NECAB1: variants seen among roughly 807,000 people sequenced by gnomAD.
NECAB1 encodes the protein N-terminal EF-hand calcium binding protein 1.
Under a neutral mutation model 57.5 loss-of-function variants are expected in NECAB1, and 29 were observed. The ratio of observed to expected loss-of-function variants is 0.50; its 90% CI spans 0.38 to 0.69. The LOEUF (loss-of-function observed/expected upper bound fraction) is 0.69, where lower values mean the gene tolerates loss of function less well. NECAB1 is among the 30% of genes least tolerant of loss of function. The probability of loss-of-function intolerance (pLI) is 0.00; values close to 1 mark genes in which losing one functional copy is unlikely to be tolerated. For synonymous variants in NECAB1, 142 were observed against 147.7 expected (o/e 0.96, Z 0.28); for missense variants, 372 against 413.8 (o/e 0.90, Z 0.88).
chr8:90,948,431 A>C (rs930716607), intron 10 of NECAB1, among the ~76,000 whole-genome samples: 3 of 152,198 alleles, frequency 2.0e-5, no homozygotes, highest in African/African-American at 7.2e-5. Flanking sequence ...AAAGAAAAAA[A>C]AAATTAAAAT....
At chr8:90,863,647 TAAG>T (rs1808452917) in intron 3 of NECAB1, among the ~76,000 whole-genome samples, 1 of 152,136 alleles carries the variant, frequency 6.6e-6, no homozygotes, top group African/African-American at 2.4e-5. Flanking sequence ...CACTAAGTAA[TAAG>T]GAGATGAGAG....
intron 5 of NECAB1, among the ~76,000 whole-genome samples, chr8:90,911,988 A>G (rs1041572171): frequency 1.3e-5 from 2 of 152,212 alleles, no homozygotes; most frequent in African/African-American, 4.8e-5. Context: ...AAGGTTGAAT[A>G]CTTTCCAAAG....
chr8:90,887,449 C>T (rs1586087628), intron 5 of NECAB1, among the ~76,000 whole-genome samples: 1 of 152,110 alleles, frequency 6.6e-6, no homozygotes, highest in Non-Finnish European at 1.5e-5. Context: ...TAAATACAAA[C>T]ATGTAAAACA....
intron 2 of NECAB1, among the ~76,000 whole-genome samples, chr8:90,808,792 C>G (rs544970358): frequency 6.6e-6 from 1 of 151,822 alleles, no homozygotes. Flanking sequence ...ACTACAGGTG[C>G]GTGCCACCAT....
chr8:90,859,728 G>C (rs906448613), intron 3 of NECAB1, among the ~76,000 whole-genome samples: 1 of 152,160 alleles, frequency 6.6e-6, no homozygotes, highest in South Asian at 2.1e-4. Flanking sequence ...GTAAACATTA[G>C]TTGTGTGGGA....
At chr8:90,854,271 T>C (rs911252645) in intron 3 of NECAB1, among the ~76,000 whole-genome samples, 1 of 152,104 alleles carries the variant, frequency 6.6e-6, no homozygotes. Context: ...TTTTGACTGC[T>C]TAATGCTGAG....
chr8:90,839,619 G>A lies in NECAB1; in HGVS notation c.233+14794G>A, dbSNP rs377289949. ...TTTTACTAAGAAGAGGTATGAATAA[G>A]GATGGAGATAGAGATGATGTTTTCA... On this transcript the variant is annotated intron_variant, in intron 3 of 12. Transcript: ENST00000417640. Among the ~76,000 whole-genome samples, 32 of 152,318 alleles carry A rather than the reference G, an allele frequency of 2.1e-4. No individual in the cohort carries two copies. In the South Asian group the frequency reaches 2.9e-3, roughly 14 times the overall value.
chr8:90,794,451 C>T (rs1211682741), intron 1 of NECAB1, among the ~76,000 whole-genome samples: 2 of 152,120 alleles, frequency 1.3e-5, no homozygotes, highest in Non-Finnish European at 2.9e-5. Flanking sequence ...ATCAAACAGA[C>T]AATTTCCAAA....
chr8:90,846,085 A>G (rs904018083), intron 3 of NECAB1, among the ~76,000 whole-genome samples: 2 of 152,238 alleles, frequency 1.3e-5, no homozygotes, highest in African/African-American at 2.4e-5. Context: ...ACCACAAATG[A>G]TACCTAATTA....
chr8:90,858,894 A>G (rs559427146), intron 3 of NECAB1, among the ~76,000 whole-genome samples: 1 of 152,322 alleles, frequency 6.6e-6, no homozygotes, highest in East Asian at 1.9e-4. Flanking sequence ...TAACTGCAGC[A>G]GTGACTAACA....
chr8:90,955,112 TTATATATATATA>T (rs59244524), intron 12 of NECAB1, among the ~76,000 whole-genome samples: 12,767 of 70,816 alleles, frequency 0.18, 1,197 homozygotes, highest in African/African-American at 0.26. Context: ...GGTATATAAA[TTATATATATATA>T]TATATATATA....
intron 2 of NECAB1, among the ~76,000 whole-genome samples, chr8:90,805,296 C>T (rs1344211575): frequency 6.6e-6 from 1 of 152,038 alleles, no homozygotes; most frequent in Non-Finnish European, 1.5e-5. Flanking sequence ...TGATAGAGTC[C>T]CTTGTGGACA....
chr8:90,833,155 CCTT>C (rs1378948062), intron 3 of NECAB1, among the ~76,000 whole-genome samples: 2 of 151,984 alleles, frequency 1.3e-5, no homozygotes, highest in African/African-American at 4.8e-5. Context: ...CATTTTCCCT[CCTT>C]CTATCCTACC....
At position 90,791,869 on chromosome 8, in the gene NECAB1, C is replaced by A; in HGVS notation, c.-18C>A. 1 of 1,543,796 alleles carries A rather than the reference C, an allele frequency of 6.5e-7. No homozygotes were observed. Among genetic ancestry groups the A allele is most frequent in the Non-Finnish European group, 8.8e-7 (1 of 1,142,246 alleles). ...CCGCCTAGCCCCGCTCCGCCTGAGGCCGTCAGGGCTCCCGAGGATGGAAGA... is the reference window on the plus strand; with the variant it reads ...CCGCCTAGCCCCGCTCCGCCTGAGGACGTCAGGGCTCCCGAGGATGGAAGA... On this transcript the variant is annotated 5_prime_UTR_variant, in exon 1 of 13. Coordinates refer to ENST00000417640, the MANE Select transcript of NECAB1 (RefSeq NM_022351.5).
intron 3 of NECAB1, among the ~76,000 whole-genome samples, chr8:90,826,715 T>G (rs760834830): frequency 2.0e-5 from 3 of 151,618 alleles, no homozygotes; most frequent in Middle Eastern, 3.2e-3. Context: ...TAATTTATAT[T>G]AATATTAATA....
intron 5 of NECAB1, among the ~76,000 whole-genome samples, chr8:90,904,361 T>C (rs1014550145): frequency 3.3e-5 from 5 of 151,720 alleles, no homozygotes; most frequent in African/African-American, 1.2e-4. Flanking sequence ...TATATTTATA[T>C]AAATATATGT....
At chr8:90,902,324 G>A (rs551435669) in intron 5 of NECAB1, among the ~76,000 whole-genome samples, 22 of 152,292 alleles carry the variant, frequency 1.4e-4, no homozygotes, top group Admixed American at 5.2e-4. Context: ...GGTGGCTGAG[G>A]TAGGAGAATC....
intron 2 of NECAB1, among the ~76,000 whole-genome samples, chr8:90,818,964 A>G (rs1408023396): frequency 6.6e-6 from 1 of 151,962 alleles, no homozygotes; most frequent in Non-Finnish European, 1.5e-5. Flanking sequence ...TTTTAAAAGT[A>G]TAATAATTTT....
chr8:90,900,679 G>A (rs1367503300), intron 5 of NECAB1, among the ~76,000 whole-genome samples: 10 of 152,128 alleles, frequency 6.6e-5, no homozygotes, highest in Non-Finnish European at 1.5e-4. Flanking sequence ...AACCTTCCAG[G>A]TACAGGATTC....
Sources: allele counts gnomAD v4.1 joint callset (sites outside exome capture counted in the v4.1 genomes callset), GRCh38; gene constraint gnomAD v4.1.1; transcripts MANE v1.5; gene names NCBI Gene and HGNC (gene_info 2026-07-23, HGNC 2026-07-21).